The following ASAP1 variants were observed in gnomAD, a reference collection of about 807,000 sequenced individuals.
The protein encoded by ASAP1 is ArfGAP with SH3 domain, ankyrin repeat and PH domain 1, also known as arf-GAP with SH3 domain, ANK repeat and PH domain-containing protein 1.
ASAP1 carries 43 observed loss-of-function variants against 145.2 expected under a neutral mutation model. The ratio of observed to expected loss-of-function variants is 0.30; its 90% confidence interval spans 0.23 to 0.38. The LOEUF (loss-of-function observed/expected upper bound fraction) is 0.38, where lower values mean the gene tolerates loss of function less well. Ranked by LOEUF, ASAP1 falls within the 10% of genes least tolerant of loss-of-function variation. The pLI is 1.00. For synonymous variants in ASAP1, 546 were observed against 515.5 expected, an observed-to-expected ratio of 1.06 and a Z score of -0.80; for missense variants, 1,018 against 1,355.3, an observed-to-expected ratio of 0.75 and a Z score of 3.91.
intron 3 of ASAP1, among the ~76,000 whole-genome samples, chr8:130,292,408 C>T (rs1306112192): frequency 6.6e-6 from 1 of 152,140 alleles, no homozygotes; most frequent in Non-Finnish European, 1.5e-5. Context: ...TCTGCCTGCC[C>T]CCCAATCCCA....
At chr8:130,344,275 A>AT (rs150513478) in intron 3 of ASAP1, among the ~76,000 whole-genome samples, 35 of 151,610 alleles carry the variant, frequency 2.3e-4, no homozygotes, top group African/African-American at 5.3e-4. Flanking sequence ...TAAATAAACC[A>AT]TTTTTTTTTA....
At chr8:130,067,188 G>A (rs1036631496) in intron 27 of ASAP1, among the ~76,000 whole-genome samples, 4 of 152,138 alleles carry the variant, frequency 2.6e-5, no homozygotes, top group African/African-American at 9.7e-5. Flanking sequence ...CATGCATGTT[G>A]CTGCAGTGTG....
At chr8:130,263,551 C>T (rs1286374940) in intron 3 of ASAP1, among the ~76,000 whole-genome samples, 2 of 152,196 alleles carry the variant, frequency 1.3e-5, no homozygotes, top group African/African-American at 2.4e-5. Flanking sequence ...CCCCCACCAA[C>T]CACCACTTTT....
At chr8:130,187,132 G>A in intron 7 of ASAP1, 104 bp downstream of exon 7, 2 of 972,638 alleles carry the variant, frequency 2.1e-6, no homozygotes, top group Non-Finnish European at 3.1e-6. Flanking sequence ...GAAGTTATTA[G>A]TTAAGGGCTC....
chr8:130,119,367 T>G (rs2097561803), intron 18 of ASAP1, among the ~76,000 whole-genome samples: 1 of 152,172 alleles, frequency 6.6e-6, no homozygotes, highest in Non-Finnish European at 1.5e-5. Flanking sequence ...CTGCACAGGT[T>G]CAGTATGGGA....
intron 5 of ASAP1, among the ~76,000 whole-genome samples, chr8:130,188,599 TG>T (rs1384271387): frequency 3.3e-5 from 5 of 151,380 alleles, no homozygotes; most frequent in Admixed American, 6.6e-5. Context: ...CCAGGTATGG[TG>T]GTCTACAACT....
chr8:130,149,041 T>A (rs7003541), intron 13 of ASAP1, among the ~76,000 whole-genome samples: 122 of 139,834 alleles, frequency 8.7e-4, no homozygotes, highest in African/African-American at 3.1e-3. Flanking sequence ...AGAGATAGGG[T>A]TTCTCCATGT....
At chr8:130,348,570 T>C (rs1825824585) in intron 3 of ASAP1, among the ~76,000 whole-genome samples, 1 of 152,186 alleles carries the variant, frequency 6.6e-6, no homozygotes, top group South Asian at 2.1e-4. Context: ...CTGGATTCTG[T>C]TAAGACCAAG....
Position 130,092,107 on chromosome 8 carries a change from G to C in ASAP1, c.2438C>G (p.Thr813Ser). The change falls in exon 25 of 30, where the codon ACC (threonine) becomes AGC (serine). Residue 813 changes from threonine to serine, a missense_variant. Coordinates refer to ENST00000518721, the MANE Select transcript of ASAP1 (RefSeq NM_018482.4). ...TGPPSTLPLSTQTSSGSSTLS... is the reference protein window; with the variant it reads ...TGPPSTLPLSSQTSSGSSTLS... ...GGTGGAGCTGCCACTAGAGGTCTGGGTGCTTAGAGGGAGTGTTGAAGGTGG... is the reference window on the plus strand; with the variant it reads ...GGTGGAGCTGCCACTAGAGGTCTGGCTGCTTAGAGGGAGTGTTGAAGGTGG... 6.4e-7 allele frequency: 1 copy of C among 1,570,234 alleles called. No individual in the cohort carries two copies. The highest frequency in any genetic ancestry group is 8.6e-7 in the Non-Finnish European group (1 of 1,164,460).
intron 25 of ASAP1, among the ~76,000 whole-genome samples, chr8:130,084,961 A>C (rs539923104): frequency 6.6e-6 from 1 of 152,312 alleles, no homozygotes; most frequent in South Asian, 2.1e-4. Context: ...ATAAAAGTAC[A>C]ATTCTAACTC....
intron 25 of ASAP1, chr8:130,084,546 A>G (rs1182926736): frequency 1.3e-5 from 2 of 152,196 alleles, no homozygotes; most frequent in African/African-American, 4.8e-5. Flanking sequence ...GAGTTTGTGG[A>G]AAGAGAGGGG....
chr8:130,351,793 C>T (rs1586887138), intron 3 of ASAP1, among the ~76,000 whole-genome samples: 1 of 152,322 alleles, frequency 6.6e-6, no homozygotes, highest in East Asian at 1.9e-4. Flanking sequence ...CCACCAAGCC[C>T]CACCTCCGAC....
chr8:130,188,739 A>G (rs868846130), intron 5 of ASAP1, among the ~76,000 whole-genome samples: 11 of 150,548 alleles, frequency 7.3e-5, no homozygotes, highest in South Asian at 4.2e-4. Flanking sequence ...AAAAAAAAAA[A>G]AAAAAAGAAA....
chr8:130,226,268 G>A (rs1226943810), intron 4 of ASAP1, among the ~76,000 whole-genome samples: 1 of 151,990 alleles, frequency 6.6e-6, no homozygotes, highest in Non-Finnish European at 1.5e-5. Context: ...AAAATAATTT[G>A]TTTTAACTTT....
intron 2 of ASAP1, among the ~76,000 whole-genome samples, chr8:130,390,860 C>G (rs926086135): frequency 1.3e-5 from 2 of 151,916 alleles, no homozygotes; most frequent in Non-Finnish European, 2.9e-5. Context: ...AAATGGAAAA[C>G]AGCCTGGCTG....
In ASAP1 at chr8:130,239,499, C is replaced by T. The variant is rs187550761; in HGVS notation, c.187-2505G>A. On this transcript the variant is annotated intron_variant, in intron 3 of 29. Coordinates refer to ENST00000518721, the MANE Select transcript of ASAP1 (RefSeq NM_018482.4). ...ACAACACAGAGCCTTATCTTCTAAC[C>T]ACTACCTAATTCTGCATTCTAATGA... Among the ~76,000 whole-genome samples, 358 of 152,172 alleles carry T rather than the reference C, an allele frequency of 2.4e-3. 1 individual carries two copies. Among genetic ancestry groups the T allele is most frequent in the African/African-American group, 8.0e-3 (334 of 41,542 alleles).
intron 13 of ASAP1, among the ~76,000 whole-genome samples, chr8:130,142,254 ATC>A (rs1250248095): frequency 6.6e-6 from 1 of 152,210 alleles, no homozygotes. Flanking sequence ...AAAGAAAGTA[ATC>A]TGATATAGCT....
intron 3 of ASAP1, among the ~76,000 whole-genome samples, chr8:130,305,296 C>A (rs938071379): frequency 6.6e-6 from 1 of 152,204 alleles, no homozygotes; most frequent in Non-Finnish European, 1.5e-5. Context: ...ATTGTTCTAT[C>A]CATAGTGCTT....
intron 15 of ASAP1, among the ~76,000 whole-genome samples, chr8:130,132,281 T>C (rs991498545): frequency 6.6e-6 from 1 of 152,218 alleles, no homozygotes; most frequent in African/African-American, 2.4e-5. Flanking sequence ...CAATAACTAT[T>C]ACCCATTTTT....
Sources: gnomAD v4.1 joint callset for allele counts (sites outside exome capture counted in the v4.1 genomes callset) on GRCh38, gnomAD v4.1.1 for gene constraint, MANE v1.5 for transcripts, NCBI Gene and HGNC (gene_info 2026-07-23, HGNC 2026-07-21) for gene names.